CHIC1: variants seen among roughly 807,000 people sequenced by gnomAD.
CHIC1 encodes cysteine-rich hydrophobic domain-containing protein 1.
A neutral mutation model predicts 18.5 loss-of-function variants in CHIC1; 7 were observed. That is an observed-to-expected ratio of 0.38 (90% CI 0.22 to 0.71). The LOEUF (loss-of-function observed/expected upper bound fraction) is 0.71. CHIC1 is among the 30% of genes least tolerant of loss of function. The pLI is 0.49. For missense variants in CHIC1, 159 were observed against 176.9 expected (o/e 0.90, Z 0.57); for synonymous variants, 77 against 73.5 (o/e 1.05, Z -0.25).
At chrX:73,670,994 G>T (rs1442569348) in intron 3 of CHIC1, among the ~76,000 whole-genome samples, 1 of 112,152 alleles carries the variant, frequency 8.9e-6, no homozygotes, top group Non-Finnish European at 1.9e-5. Context: ...ATTGTTGGAT[G>T]AAATGTTTTG....
At chrX:73,614,003 C>T (rs2057721088) in intron 3 of CHIC1, among the ~76,000 whole-genome samples, 1 of 111,687 alleles carries the variant, frequency 9.0e-6, no homozygotes, top group Admixed American at 9.6e-5. Flanking sequence ...AGGTAGTGTG[C>T]TTTTGCTTCC....
chrX:73,676,365 A>G (rs954445288), intron 3 of CHIC1, among the ~76,000 whole-genome samples: 3 of 112,177 alleles, frequency 2.7e-5, no homozygotes, highest in African/African-American at 6.5e-5. Context: ...ACTTTCAGGT[A>G]CACCAATCAG....
intron 3 of CHIC1, among the ~76,000 whole-genome samples, chrX:73,611,239 A>G (rs1252529799): frequency 6.5e-5 from 7 of 107,654 alleles, no homozygotes; most frequent in Non-Finnish European, 1.3e-4. Flanking sequence ...CTCATTGTTC[A>G]GTTCCCACCC....
intron 3 of CHIC1, among the ~76,000 whole-genome samples, chrX:73,677,299 T>G (rs2058070752): frequency 8.9e-6 from 1 of 112,232 alleles, no homozygotes; most frequent in African/African-American, 3.2e-5. Flanking sequence ...GTTACTGCTG[T>G]CTTTTTGTTT....
At chrX:73,620,868 A>G (rs1458267897) in intron 3 of CHIC1, among the ~76,000 whole-genome samples, 1 of 111,545 alleles carries the variant, frequency 9.0e-6, no homozygotes, top group African/African-American at 3.3e-5. Flanking sequence ...TCTTGAGTTA[A>G]TTTTTGCATA....
intron 3 of CHIC1, among the ~76,000 whole-genome samples, chrX:73,656,282 T>A (rs1370064515): frequency 8.9e-6 from 1 of 112,059 alleles, no homozygotes; most frequent in East Asian, 2.8e-4. Context: ...TTTATTTTGC[T>A]GTGCAGAAGC....
intron 3 of CHIC1, among the ~76,000 whole-genome samples, chrX:73,601,162 G>C (rs1376847933): frequency 1.9e-5 from 2 of 105,196 alleles, no homozygotes; most frequent in Non-Finnish European, 3.8e-5. Flanking sequence ...GAAACAGAAA[G>C]TCAACAAGGA....
At chrX:73,641,738 A>C (rs2057857642) in intron 3 of CHIC1, among the ~76,000 whole-genome samples, 1 of 107,358 alleles carries the variant, frequency 9.3e-6, no homozygotes, top group African/African-American at 3.5e-5. Flanking sequence ...CTCATTGTTC[A>C]GTTCCCACCT....
chrX:73,663,351 G>A (rs1035078121), intron 3 of CHIC1, among the ~76,000 whole-genome samples: 1 of 111,142 alleles, frequency 9.0e-6, no homozygotes, highest in Non-Finnish European at 1.9e-5. Flanking sequence ...TGGATCTTGA[G>A]AGAGCCATGT....
rs1269767975 is a variant in CHIC1, at chrX:73,672,013, T to A, written c.508-7313T>A. Among the ~76,000 whole-genome samples the A allele has an allele frequency of 9.0e-5, 10 of 111,265 alleles. No homozygotes were observed. The Admixed American group carries it at 9.6e-4, about 11-fold the overall frequency. ...CAGTTCCCACCTATGAGTGAGAACATGCGGTGTTTGGTTTTTTCTCCTTGC... is the reference window on the plus strand; with the variant it reads ...CAGTTCCCACCTATGAGTGAGAACAAGCGGTGTTTGGTTTTTTCTCCTTGC... On this transcript the variant is annotated intron_variant, in intron 3 of 5. Transcript: ENST00000373502.
chrX:73,627,758 T>G (rs975130484), intron 3 of CHIC1, among the ~76,000 whole-genome samples: 2 of 111,362 alleles, frequency 1.8e-5, no homozygotes, highest in Non-Finnish European at 1.9e-5. Context: ...GAGTCAAGTC[T>G]TGAAATCAGA....
chrX:73,631,398 G>A (rs911398736), intron 3 of CHIC1, among the ~76,000 whole-genome samples: 2 of 110,236 alleles, frequency 1.8e-5, no homozygotes, highest in Non-Finnish European at 3.8e-5. Context: ...AGGCTTAGGC[G>A]GGCAGATCAC....
chrX:73,573,554 C>T lies in CHIC1; in HGVS notation c.297-3853C>T, dbSNP rs1391747896. Among the ~76,000 whole-genome samples, 35 of 111,190 alleles carry T rather than the reference C, an allele frequency of 3.1e-4. No homozygotes were observed. The Admixed American group carries it at 3.2e-3, about 10-fold the overall frequency. On this transcript the variant is annotated intron_variant, in intron 1 of 5. Coordinates refer to ENST00000373502, the MANE Select transcript of CHIC1 (RefSeq NM_001039840.4). ...GTTGTTGATTCTTCCAATCCGTAAG[C>T]GTGAAATGTCTTTCCATTTGTTTCT...
chrX:73,603,616 A>G (rs980357249), intron 3 of CHIC1, among the ~76,000 whole-genome samples: 3 of 108,824 alleles, frequency 2.8e-5, no homozygotes, highest in Non-Finnish European at 5.6e-5. Context: ...TTGCCCATTC[A>G]GTATGATATC....
intron 3 of CHIC1, among the ~76,000 whole-genome samples, chrX:73,659,260 A>C (rs1278862932): frequency 9.0e-6 from 1 of 111,234 alleles, no homozygotes; most frequent in Non-Finnish European, 1.9e-5. Context: ...GGCTGCCTTC[A>C]GTCAAATTAT....
chrX:73,651,737 G>A lies in CHIC1; in HGVS notation c.508-27589G>A, dbSNP rs1251738558. 8.1e-5 allele frequency among the ~76,000 whole-genome samples: 9 copies of A among 111,320 alleles called. No individual in the cohort carries two copies. The Admixed American group carries it at 8.6e-4, about 11-fold the overall frequency. ...CAAACCACTGCTCAAGGAAATAAGA[G>A]AGGACACAAACAAATGGAAAAACAT... On this transcript the variant is annotated intron_variant, in intron 3 of 5. Transcript: ENST00000373502.
intron 3 of CHIC1, among the ~76,000 whole-genome samples, chrX:73,642,017 C>T (rs1045985116): frequency 9.0e-6 from 1 of 111,589 alleles, no homozygotes; most frequent in Non-Finnish European, 1.9e-5. Flanking sequence ...GATTTATAGT[C>T]CTTTGGGTAT....
chrX:73,572,001 T>C (rs1244288244), intron 1 of CHIC1, among the ~76,000 whole-genome samples: 1 of 110,464 alleles, frequency 9.1e-6, no homozygotes. Context: ...TGCGCAGTTT[T>C]ATTACAAAGG....
At chrX:73,597,349 T>G (rs2057614878) in intron 3 of CHIC1, among the ~76,000 whole-genome samples, 1 of 110,562 alleles carries the variant, frequency 9.0e-6, no homozygotes, top group African/African-American at 3.3e-5. Context: ...TATTTGTTCT[T>G]TAGTTGTGGG....
Sources: allele counts gnomAD v4.1 joint callset (sites outside exome capture counted in the v4.1 genomes callset), GRCh38; gene constraint gnomAD v4.1.1; transcripts MANE v1.5; gene names NCBI Gene and HGNC (gene_info 2026-07-23, HGNC 2026-07-21).